The following RPS6KB1 variants were observed in gnomAD, a reference collection of about 807,000 sequenced individuals.
The protein encoded by RPS6KB1 is ribosomal protein S6 kinase B1.
RPS6KB1 carries 12 observed loss-of-function variants against 70.2 expected under a neutral mutation model. The observed-to-expected ratio is 0.17, with a 90% CI of 0.11 to 0.28. The LOEUF (loss-of-function observed/expected upper bound fraction) is 0.28, where lower values mean the gene tolerates loss of function less well. Ranked by LOEUF, RPS6KB1 falls within the 10% of genes least tolerant of loss-of-function variation. RPS6KB1 has a pLI of 1.00. For missense variants in RPS6KB1, 270 were observed against 646.6 expected (o/e 0.42, Z 6.32); for synonymous variants, 175 against 211.2 (o/e 0.83, Z 1.49).
chr17:59,901,646 A>G (rs948714495), intron 1 of RPS6KB1, among the ~76,000 whole-genome samples: 6 of 136,916 alleles, frequency 4.4e-5, no homozygotes, highest in African/African-American at 5.8e-5. Context: ...AAAAAAAAAA[A>G]GAAAAAAAAA....
chr17:59,932,785 T>C (rs1190611418), intron 7 of RPS6KB1, among the ~76,000 whole-genome samples: 5 of 152,126 alleles, frequency 3.3e-5, no homozygotes, highest in African/African-American at 4.8e-5. Flanking sequence ...ACTCCTGAGC[T>C]CAATTGATCT....
At chr17:59,944,197 CAG>C (rs979048595) in intron 13 of RPS6KB1, among the ~76,000 whole-genome samples, 9 of 152,088 alleles carry the variant, frequency 5.9e-5, no homozygotes, top group African/African-American at 2.2e-4. Flanking sequence ...GGACTTCACT[CAG>C]AGCTTTGCTG....
intron 13 of RPS6KB1, among the ~76,000 whole-genome samples, chr17:59,942,167 G>C (rs915455248): frequency 6.6e-6 from 1 of 152,074 alleles, no homozygotes; most frequent in Non-Finnish European, 1.5e-5. Context: ...CGATGGTCTC[G>C]ATTTCTTGAC....
At chr17:59,912,270 C>A in intron 2 of RPS6KB1, 1 of 223,614 alleles carries the variant, frequency 4.5e-6, no homozygotes, top group South Asian at 6.7e-5. Flanking sequence ...TGTGTCTGCT[C>A]AAACTGGCAA....
chr17:59,937,864 GTGTT>G (rs890745682), intron 12 of RPS6KB1, among the ~76,000 whole-genome samples: 2 of 152,184 alleles, frequency 1.3e-5, no homozygotes, highest in African/African-American at 4.8e-5. Context: ...ATCAGTTAGT[GTGTT>G]AGTTATTGTC....
chr17:59,916,841 C>T (rs1339730455), intron 4 of RPS6KB1, among the ~76,000 whole-genome samples: 2 of 152,072 alleles, frequency 1.3e-5, no homozygotes, highest in Non-Finnish European at 2.9e-5. Context: ...TATAAAGATA[C>T]ATTTATAATA....
chr17:59,921,564 A>G (rs549801703), intron 4 of RPS6KB1, among the ~76,000 whole-genome samples: 2 of 152,292 alleles, frequency 1.3e-5, no homozygotes, highest in African/African-American at 4.8e-5. Flanking sequence ...ATGAAATCAG[A>G]GTAGAACCAG....
At chr17:59,927,122 G>A (rs533649473) in intron 5 of RPS6KB1, among the ~76,000 whole-genome samples, 114 of 151,780 alleles carry the variant, frequency 7.5e-4, no homozygotes, top group African/African-American at 2.6e-3. Context: ...CACACTGGTC[G>A]CACAGGCTGT....
chr17:59,904,643 C>T (rs139574980), intron 1 of RPS6KB1, among the ~76,000 whole-genome samples: 2,502 of 151,246 alleles, frequency 0.017, 48 homozygotes, highest in Non-Finnish European at 0.02. Flanking sequence ...ATCCTCCTGC[C>T]TCGGCCTCCC....
chr17:59,931,562 G>A (rs771934926), intron 6 of RPS6KB1, 60 bp from the exon 7 acceptor site: 248 of 1,382,366 alleles, frequency 1.8e-4, no homozygotes, highest in Non-Finnish European at 2.3e-4. Flanking sequence ...TGCTCCATAC[G>A]TAAACTGCTT....
At chr17:59,922,338 G>T (rs947608584) in intron 4 of RPS6KB1, among the ~76,000 whole-genome samples, 2 of 151,956 alleles carry the variant, frequency 1.3e-5, no homozygotes, top group Non-Finnish European at 2.9e-5. Context: ...TCCGTTCCCG[G>T]CCTCTTTTTC....
chr17:59,936,727 G>A (rs1250228156), intron 12 of RPS6KB1, among the ~76,000 whole-genome samples, 186 bp downstream of exon 12: 2 of 152,184 alleles, frequency 1.3e-5, no homozygotes, highest in Non-Finnish European at 2.9e-5. Context: ...GTGCCTGTAA[G>A]TCCCAGCTAC....
At position 59,935,270 on chromosome 17, in the gene RPS6KB1, C is replaced by T; in HGVS notation, c.948C>T (p.Leu316=). The part of the protein sequence containing the change: ...LKCKLNLPPY[L]TQEARDLLKK... ...GTAAACTCAATTTGCCTCCCTACCT[C>T]ACACAAGAAGCCAGAGATCTGCTTA... The change falls in exon 10 of 15, where the codon CTC becomes CTT. Residue 316 remains leucine (L), a synonymous_variant. Transcript: ENST00000225577. The T allele has an allele frequency of 6.2e-7, 1 of 1,610,754 alleles. No individual in the cohort carries two copies. Among genetic ancestry groups the T allele is most frequent in the Non-Finnish European group, 8.5e-7 (1 of 1,177,310 alleles).
intron 4 of RPS6KB1, 60 bp downstream of exon 4, chr17:59,914,763 C>CA: frequency 8.2e-7 from 1 of 1,224,772 alleles, no homozygotes. Flanking sequence ...TGATCTCAGC[C>CA]AAAAGGCTGG....
chr17:59,931,356 C>A, intron 6 of RPS6KB1: 1 of 375,318 alleles, frequency 2.7e-6, no homozygotes, highest in South Asian at 3.1e-5. Flanking sequence ...GGCAGTTTAG[C>A]ATATTCTGGA....
intron 5 of RPS6KB1, among the ~76,000 whole-genome samples, chr17:59,927,860 T>C (rs2043706678): frequency 6.6e-6 from 1 of 150,826 alleles, no homozygotes. Flanking sequence ...GTTTTAAGAG[T>C]AGTATAAAGA....
intron 5 of RPS6KB1, among the ~76,000 whole-genome samples, chr17:59,926,920 A>T (rs1306857059): frequency 6.6e-6 from 1 of 152,210 alleles, no homozygotes; most frequent in Non-Finnish European, 1.5e-5. Context: ...ATTATTTAAC[A>T]TACTGACTAT....
chr17:59,928,593 G>A (rs1477766224), intron 5 of RPS6KB1, among the ~76,000 whole-genome samples: 1 of 152,032 alleles, frequency 6.6e-6, no homozygotes, highest in Middle Eastern at 3.4e-3. Context: ...CAGGTGATCC[G>A]CCCACCTTGG....
chr17:59,903,678 G>T (rs547639640), intron 1 of RPS6KB1, among the ~76,000 whole-genome samples: 210 of 152,096 alleles, frequency 1.4e-3, no homozygotes, highest in African/African-American at 4.4e-3. Context: ...CTGTATGAGG[G>T]TTCCAGTTTC....
Sources: allele counts gnomAD v4.1 joint callset (sites outside exome capture counted in the v4.1 genomes callset), GRCh38; gene constraint gnomAD v4.1.1; transcripts MANE v1.5; gene names NCBI Gene and HGNC (gene_info 2026-07-23, HGNC 2026-07-21).